The following NTM variants were observed in gnomAD, a reference collection of about 807,000 sequenced individuals.
NTM encodes the protein neurotrimin, also known as IgLON family member 2.
NTM carries 13 observed loss-of-function variants against 42.1 expected under a neutral mutation model. The observed-to-expected ratio is 0.31, with a 90% CI of 0.20 to 0.49. The LOEUF is 0.49. NTM is among the 20% of genes least tolerant of loss of function. The pLI is 0.99. For synonymous variants in NTM, 187 were observed against 179.2 expected (o/e 1.04, Z -0.35); for missense variants, 373 against 452.8 (o/e 0.82, Z 1.60).
At position 132,335,367 on chromosome 11, in the gene NTM, C is replaced by T. The variant is rs2095864684; in HGVS notation, c.*221C>T. 1 of 544,068 alleles carries T rather than the reference C, an allele frequency of 1.8e-6. No individual in the cohort carries two copies. 33.7% of individuals were successfully genotyped at this position (544,068 alleles called of 1,614,324 possible). A position where few individuals can be genotyped will look rare whatever the true frequency, so the allele number is the denominator to read the frequency against. On this transcript the variant is annotated 3_prime_UTR_variant, in exon 9 of 9. Coordinates refer to ENST00000683400, the MANE Select transcript of NTM (RefSeq NM_001352005.2). ...AAATTGCCTTGCAGATATTTAGGTA[C>T]AATGGAGTTTTCTTTTCCCAAACGG...
intron 2 of NTM, among the ~76,000 whole-genome samples, chr11:132,075,294 T>C (rs2058217497): frequency 6.6e-6 from 1 of 152,182 alleles, no homozygotes; most frequent in African/African-American, 2.4e-5. Context: ...AAAATTTGGT[T>C]AAGAGGGTAG....
At chr11:132,163,933 A>T (rs1349101265) in intron 3 of NTM, among the ~76,000 whole-genome samples, 1 of 151,688 alleles carries the variant, frequency 6.6e-6, no homozygotes, top group Non-Finnish European at 1.5e-5. Flanking sequence ...TCTGTTGTTT[A>T]CCCATGTTGA....
rs2095864823 is a variant in NTM at position 132,335,384 on chromosome 11, C to T, written c.*238C>T. ...TTTAGGTACAATGGAGTTTTCTTTT[C>T]CCAAACGGGAAGAACACAGCACACC... On this transcript the variant is annotated 3_prime_UTR_variant, in exon 9 of 9. Coordinates refer to ENST00000683400, the MANE Select transcript of NTM (RefSeq NM_001352005.2). 2.1e-6 allele frequency: 1 copy of T among 483,486 alleles called. No individual in the cohort carries two copies. The highest frequency in any genetic ancestry group is 3.7e-6 in the Non-Finnish European group (1 of 270,424). 29.9% of individuals were successfully genotyped at this position (483,486 alleles called of 1,614,324 possible).
chr11:132,061,302 A>T (rs1409064535), intron 2 of NTM, among the ~76,000 whole-genome samples: 1 of 152,228 alleles, frequency 6.6e-6, no homozygotes, highest in Admixed American at 6.5e-5. Context: ...TGGCCAATAA[A>T]TCAAAGTCAT....
intron 1 of NTM, among the ~76,000 whole-genome samples, chr11:131,823,738 A>G (rs1246577871): frequency 6.6e-6 from 1 of 152,190 alleles, no homozygotes; most frequent in East Asian, 1.9e-4. Flanking sequence ...AAATTTAAAC[A>G]AAACAAAACA....
At chr11:132,255,791 G>T (rs1362802747) in intron 4 of NTM, among the ~76,000 whole-genome samples, 1 of 151,990 alleles carries the variant, frequency 6.6e-6, no homozygotes, top group Admixed American at 6.6e-5. Context: ...CCACTTGGGT[G>T]CCCACTTCCA....
intron 1 of NTM, among the ~76,000 whole-genome samples, chr11:131,787,354 G>GATTGTTATT (rs2089405596): frequency 6.9e-6 from 1 of 144,436 alleles, no homozygotes; most frequent in Admixed American, 6.9e-5. Context: ...CATAATACAA[G>GATTGTTATT]ATTATTATTA....
At chr11:131,396,558 G>A (rs1404820920) in intron 1 of NTM, among the ~76,000 whole-genome samples, 2 of 152,180 alleles carry the variant, frequency 1.3e-5, no homozygotes, top group East Asian at 3.9e-4. Flanking sequence ...GCTGGGCGCG[G>A]TGGCTCACAC....
At chr11:131,746,247 G>A (rs907131604) in intron 1 of NTM, among the ~76,000 whole-genome samples, 3 of 152,166 alleles carry the variant, frequency 2.0e-5, no homozygotes, top group Non-Finnish European at 4.4e-5. Flanking sequence ...ATTTCCCTGT[G>A]GCAACCATCA....
At chr11:132,129,642 G>A (rs1455242760) in intron 2 of NTM, among the ~76,000 whole-genome samples, 1 of 152,170 alleles carries the variant, frequency 6.6e-6, no homozygotes, top group Non-Finnish European at 1.5e-5. Context: ...AGTCATGGAA[G>A]GGAAGACTTC....
chr11:131,460,237 G>A (rs1951255394), intron 1 of NTM, among the ~76,000 whole-genome samples: 1 of 152,144 alleles, frequency 6.6e-6, no homozygotes, highest in Non-Finnish European at 1.5e-5. Context: ...GGAACAGAGG[G>A]AGCCTAGCCT....
At chr11:131,620,662 G>A (rs1161192325) in intron 1 of NTM, among the ~76,000 whole-genome samples, 1 of 152,090 alleles carries the variant, frequency 6.6e-6, no homozygotes, top group Non-Finnish European at 1.5e-5. Context: ...AATACATATG[G>A]GCTGCTCGCT....
intron 1 of NTM, among the ~76,000 whole-genome samples, chr11:131,845,345 A>G (rs1433548403): frequency 2.0e-5 from 3 of 152,092 alleles, no homozygotes; most frequent in Non-Finnish European, 4.4e-5. Context: ...TTGTGTTTGT[A>G]TTCTGGAATG....
intron 2 of NTM, among the ~76,000 whole-genome samples, chr11:131,978,549 G>T (rs1048801498): frequency 6.6e-6 from 1 of 151,974 alleles, no homozygotes; most frequent in Non-Finnish European, 1.5e-5. Context: ...GACTGTTCCC[G>T]AGGCTCCTGC....
rs537166734 is a variant in NTM, at chr11:131,477,682, T to A, written c.82+106794T>A. Among the ~76,000 whole-genome samples, 12 of 152,006 alleles carry A rather than the reference T, an allele frequency of 7.9e-5. No individual in the cohort carries two copies. The South Asian group carries it at 1.7e-3, about 21-fold the overall frequency. On this transcript the variant is annotated intron_variant, in intron 1 of 8. Transcript: ENST00000683400. ...CTTCATAAAACCATTTACTGATGAG[T>A]CTCAAAATACTATTTCCCAGAGAGA...
At chr11:131,408,893 T>C (rs1312417074) in intron 1 of NTM, among the ~76,000 whole-genome samples, 1 of 152,158 alleles carries the variant, frequency 6.6e-6, no homozygotes. Flanking sequence ...TTTAATTTAC[T>C]CCAGAGGCAT....
At chr11:132,304,567 CTTG>C (rs2095004660) in intron 4 of NTM, among the ~76,000 whole-genome samples, 1 of 152,192 alleles carries the variant, frequency 6.6e-6, no homozygotes, top group African/African-American at 2.4e-5. Context: ...TTTTGGGGGG[CTTG>C]TTTGAGGCAT....
Position 132,254,823 on chromosome 11 carries a change from C to T in NTM, c.526+42676C>T, listed in dbSNP as rs527853521. On this transcript the variant is annotated intron_variant, in intron 4 of 8. Coordinates refer to ENST00000683400, the MANE Select transcript of NTM (RefSeq NM_001352005.2). ...CTGGGATTCTCCAGCCTGGGGTTCT[C>T]ATTCTTGGCGCCATTGATATTTAGG... 2.6e-5 allele frequency among the ~76,000 whole-genome samples: 4 copies of T among 152,270 alleles called. No homozygotes were observed. In the East Asian group the frequency reaches 5.8e-4, roughly 22 times the overall value.
At chr11:131,900,654 G>GGA (rs1005720874) in intron 1 of NTM, among the ~76,000 whole-genome samples, 14 of 151,130 alleles carry the variant, frequency 9.3e-5, no homozygotes, top group African/African-American at 1.9e-4. Flanking sequence ...AGAGAAAGAG[G>GGA]GAGAGAGAGA....
Sources: allele counts gnomAD v4.1 joint callset (sites outside exome capture counted in the v4.1 genomes callset), GRCh38; gene constraint gnomAD v4.1.1; transcripts MANE v1.5; gene names NCBI Gene and HGNC (gene_info 2026-07-23, HGNC 2026-07-21).